Variants in QSOX1 observed in about 807,000 individuals in gnomAD.
QSOX1 encodes the protein sulfhydryl oxidase 1.
A neutral mutation model predicts 76.1 loss-of-function variants in QSOX1; 40 were observed. That is an observed-to-expected ratio of 0.53 (90% CI 0.41 to 0.68). The LOEUF (loss-of-function observed/expected upper bound fraction) is 0.68. Ranked by LOEUF, QSOX1 falls within the 30% of genes least tolerant of loss-of-function variation. QSOX1 has a pLI of 0.00. For missense variants in QSOX1, 931 were observed against 974.3 expected, an observed-to-expected ratio of 0.96 and a Z score of 0.59; for synonymous variants, 392 against 413.1, an observed-to-expected ratio of 0.95 and a Z score of 0.62.
chr1:180,164,565 A>G (rs1558183942), intron 1 of QSOX1, among the ~76,000 whole-genome samples: 4 of 152,190 alleles, frequency 2.6e-5, no homozygotes, highest in Admixed American at 2.0e-4. Flanking sequence ...ATCAGCCCCA[A>G]GAAGGGCCAG....
intron 1 of QSOX1, among the ~76,000 whole-genome samples, chr1:180,164,724 C>A (rs1331485236): frequency 2.0e-5 from 3 of 152,126 alleles, no homozygotes; most frequent in African/African-American, 4.8e-5. Flanking sequence ...TCTGAGACGT[C>A]GTAAGGAGTA....
Position 180,197,468 on chromosome 1 carries a change from T to C in QSOX1, c.*431T>C, listed in dbSNP as rs867326594. 1.8e-5 allele frequency: 26 copies of C among 1,413,232 alleles called. 2 individuals carry two copies. In the Middle Eastern group the frequency reaches 3.4e-3, roughly 183 times the overall value. The allele number at this position is 1,413,232 out of a possible 1,614,324, so 87.5% of individuals were successfully genotyped here. A position where few individuals can be genotyped will look rare whatever the true frequency, so the allele number is the denominator to read the frequency against. On this transcript the variant is annotated 3_prime_UTR_variant, in exon 12 of 12. Transcript: ENST00000367602. ...TGGAATGGAACTCCTCACTAGCTGC[T>C]GGGGCTCCGCCCACCCTGCTCCCTT... is the stretch of plus-strand genomic sequence containing the variant.
chr1:180,181,962 C>T (rs1663049190), intron 5 of QSOX1, among the ~76,000 whole-genome samples: 1 of 152,248 alleles, frequency 6.6e-6, no homozygotes, highest in African/African-American at 2.4e-5. Context: ...GGCCTCTCCT[C>T]CTGGGCAGTG....
intron 3 of QSOX1, 147 bp from the exon 4 acceptor site, chr1:180,175,784 A>C: frequency 1.5e-6 from 1 of 651,958 alleles, no homozygotes; most frequent in South Asian, 1.9e-5. Flanking sequence ...CCATTCTTCT[A>C]GCACAGGGAA....
At chr1:180,175,458 C>G in intron 3 of QSOX1, 92 bp downstream of exon 3, 1 of 1,408,132 alleles carries the variant, frequency 7.1e-7, no homozygotes, top group South Asian at 1.2e-5. Context: ...AAAGCCCTGG[C>G]AGTCGGCAGG....
rs1018292268 is a variant in QSOX1 at position 180,194,506 on chromosome 1, A to G, written c.1468+114A>G. 3 of 1,064,598 alleles carry G rather than the reference A, an allele frequency of 2.8e-6. No homozygotes were observed. The African/African-American group carries it at 4.8e-5, about 17-fold the overall frequency. 65.9% of individuals were successfully genotyped at this position (1,064,598 alleles called of 1,614,324 possible). A position where few individuals can be genotyped will look rare whatever the true frequency, so the allele number is the denominator to read the frequency against. ...AGGGACACTCATTGTCCCCTCAGTC[A>G]CAGCCCAGGCCTGTTAACCAATGCC... On this transcript the variant is annotated intron_variant, in intron 11 of 11. Coordinates refer to ENST00000367602, the MANE Select transcript of QSOX1 (RefSeq NM_002826.5).
At position 180,197,147 on chromosome 1, in the gene QSOX1, T is replaced by TG; in HGVS notation, c.*113dup. On this transcript the variant is annotated 3_prime_UTR_variant, in exon 12 of 12. Transcript: ENST00000367602. Reference sequence around the variant, plus strand: ...TTGCTCCTTGTCTGGCCTAGAAGTGTGGGAAATTCAGGAAAACGAGTTGCT... The same window carrying TG: ...TTGCTCCTTGTCTGGCCTAGAAGTGTGGGGAAATTCAGGAAAACGAGTTGCT... 6.9e-7 allele frequency: 1 copy of TG among 1,457,606 alleles called. No individual in the cohort carries two copies. Among genetic ancestry groups the TG allele is most frequent in the Non-Finnish European group, 9.1e-7 (1 of 1,101,018 alleles). 90.3% of individuals were successfully genotyped at this position (1,457,606 alleles called of 1,614,324 possible).
chr1:180,191,641 C>G (rs1663316967), intron 10 of QSOX1, among the ~76,000 whole-genome samples: 1 of 152,256 alleles, frequency 6.6e-6, no homozygotes, highest in South Asian at 2.1e-4. Context: ...TGGCTTCAGC[C>G]ATGATGACGA....
chr1:180,184,280 T>G (rs750846277), intron 7 of QSOX1, among the ~76,000 whole-genome samples: 8 of 152,176 alleles, frequency 5.3e-5, no homozygotes, highest in Non-Finnish European at 1.2e-4. Context: ...GGGCCGGGGC[T>G]GACTGGGGAA....
intron 2 of QSOX1, among the ~76,000 whole-genome samples, chr1:180,169,335 C>T (rs914558601): frequency 6.6e-6 from 1 of 151,852 alleles, no homozygotes; most frequent in South Asian, 2.1e-4. Flanking sequence ...AAGGCCTGGC[C>T]GGAGCAAGGG....
At position 180,182,234 on chromosome 1, in the gene QSOX1, GC is replaced by G. The variant is rs1470395625; in HGVS notation, c.669del (p.Asn224MetfsTer3). 2.5e-6 allele frequency: 4 copies of G among 1,614,096 alleles called. No homozygotes were observed. In the African/African-American group the frequency reaches 5.3e-5, roughly 22 times the overall value. On this transcript the variant is annotated frameshift_variant, in exon 6 of 12. Coordinates refer to ENST00000367602, the MANE Select transcript of QSOX1 (RefSeq NM_002826.5). LOFTEE classifies it high-confidence loss of function. ...GGTGCGCAGGGTGCTGAACACAGAG[GC>G]CAATGTGGTGAGAAAGTTTGGTGTC... ...VAVRRVLNTE[A>X]NVVRKFGVTD...
chr1:180,172,976 A>G (rs1662797587), intron 2 of QSOX1, among the ~76,000 whole-genome samples: 1 of 152,254 alleles, frequency 6.6e-6, no homozygotes, highest in Admixed American at 6.5e-5. Context: ...ACCCATCTCA[A>G]GGCTTCATGA....
intron 2 of QSOX1, among the ~76,000 whole-genome samples, chr1:180,170,507 C>A (rs1172673941): frequency 6.6e-6 from 1 of 152,168 alleles, no homozygotes; most frequent in Non-Finnish European, 1.5e-5. Flanking sequence ...AGCAGTCACT[C>A]CATAGTTTCG....
In QSOX1 at chr1:180,194,275, G is replaced by A; in HGVS notation, c.1351G>A (p.Asp451Asn). 6.2e-7 allele frequency: 1 copy of A among 1,613,278 alleles called. No individual in the cohort carries two copies. Among genetic ancestry groups the A allele is most frequent in the South Asian group, 1.1e-5 (1 of 91,020 alleles). ...GYVHYFFGCR[D>N]CASHFEQMAA... ...CGTGCACTACTTCTTCGGCTGCCGA[G>A]ACTGCGCTAGCCACTTCGAGCAGAT... Residue 451 changes from aspartate (D) to asparagine (N), a missense_variant, in exon 11 of 12, where the codon GAC becomes AAC. Asp to Asn is a conservative substitution (Grantham distance 23, BLOSUM62 1). Coordinates refer to ENST00000367602, the MANE Select transcript of QSOX1 (RefSeq NM_002826.5).
At chr1:180,188,266 C>T (rs749300323) in intron 8 of QSOX1, among the ~76,000 whole-genome samples, 53 of 152,072 alleles carry the variant, frequency 3.5e-4, no homozygotes, top group Admixed American at 5.9e-4. Context: ...TGCAGGTGCC[C>T]GGTCAGTCAG....
In QSOX1 at chr1:180,202,144, A is replaced by AG. The variant is rs1371213379; in HGVS notation, c.*5111dup. ...TTGCCAATGTGAGAGAACAAAGTTAAGGGGCAGTCCATGGGGGCATTGACC... is the reference window on the plus strand; with the variant it reads ...TTGCCAATGTGAGAGAACAAAGTTAAGGGGGCAGTCCATGGGGGCATTGACC... On this transcript the variant is annotated 3_prime_UTR_variant, in exon 12 of 12. Coordinates refer to ENST00000367602, the MANE Select transcript of QSOX1 (RefSeq NM_002826.5). 5.9e-5 allele frequency: 9 copies of AG among 152,434 alleles called. No homozygotes were observed. Among genetic ancestry groups the AG allele is most frequent in the African/African-American group, 2.2e-4 (9 of 41,554 alleles). 9.4% of individuals were successfully genotyped at this position (152,434 alleles called of 1,614,324 possible). A position where few individuals can be genotyped will look rare whatever the true frequency, so the allele number is the denominator to read the frequency against.
chr1:180,191,797 A>G (rs1663321028), intron 10 of QSOX1, among the ~76,000 whole-genome samples: 1 of 152,210 alleles, frequency 6.6e-6, no homozygotes, highest in Non-Finnish European at 1.5e-5. Flanking sequence ...AGAGTCTCCC[A>G]GGCTGTGTTG....
At chr1:180,189,706 A>G (rs778694087) in intron 9 of QSOX1, 32 bp downstream of exon 9, 18 of 1,599,402 alleles carry the variant, frequency 1.1e-5, no homozygotes, top group Non-Finnish European at 1.5e-5. Context: ...AGATCTCTCC[A>G]TCCTCCGTAT....
At chr1:180,159,060 C>G (rs534648552) in intron 1 of QSOX1, among the ~76,000 whole-genome samples, 54 of 152,290 alleles carry the variant, frequency 3.5e-4, no homozygotes, top group African/African-American at 1.2e-3. Flanking sequence ...CAGACCAAGC[C>G]CCCAGTGGGG....
Sources: allele counts gnomAD v4.1 joint callset (sites outside exome capture counted in the v4.1 genomes callset), GRCh38; gene constraint gnomAD v4.1.1; transcripts MANE v1.5; gene names NCBI Gene and HGNC (gene_info 2026-07-23, HGNC 2026-07-21).